MSRB3: variants seen among roughly 807,000 people sequenced by gnomAD.
The protein encoded by MSRB3 is methionine-R-sulfoxide reductase B3.
A neutral mutation model predicts 21.0 loss-of-function variants in MSRB3; 13 were observed. That is an observed-to-expected ratio of 0.62 (90% CI 0.40 to 0.98). The LOEUF is 0.98. Ranked by LOEUF, MSRB3 falls within the 50% of genes least tolerant of loss-of-function variation. MSRB3 has a pLI of 0.00. For missense variants in MSRB3, 199 were observed against 230.3 expected (o/e 0.86, Z 0.88); for synonymous variants, 87 against 88.6 (o/e 0.98, Z 0.10).
intron 5 of MSRB3, among the ~76,000 whole-genome samples, chr12:65,396,767 A>T (rs917465182): frequency 2.0e-5 from 3 of 151,742 alleles, no homozygotes; most frequent in Non-Finnish European, 4.4e-5. Flanking sequence ...CCCAGCAAAG[A>T]TATGTTTTAT....
chr12:65,351,449 A>C (rs1876986345), intron 4 of MSRB3, among the ~76,000 whole-genome samples: 1 of 144,698 alleles, frequency 6.9e-6, no homozygotes, highest in Non-Finnish European at 1.5e-5. Flanking sequence ...AGAAGGCAAG[A>C]AATAACTAAA....
At chr12:65,390,885 G>A (rs1879448582) in intron 5 of MSRB3, among the ~76,000 whole-genome samples, 3 of 152,072 alleles carry the variant, frequency 2.0e-5, no homozygotes. Flanking sequence ...ACAAGAACAT[G>A]TATTCAGAAA....
intron 6 of MSRB3, among the ~76,000 whole-genome samples, chr12:65,460,851 C>T (rs549651651): frequency 1.1e-4 from 16 of 151,478 alleles, no homozygotes; most frequent in African/African-American, 3.4e-4. Context: ...GTTGAAAACT[C>T]ACCCAGTTCA....
chr12:65,294,302 A>G (rs1286241289), intron 1 of MSRB3, among the ~76,000 whole-genome samples: 1 of 152,168 alleles, frequency 6.6e-6, no homozygotes, highest in African/African-American at 2.4e-5. Flanking sequence ...CATCCTATTT[A>G]GAATCCCACT....
intron 5 of MSRB3, among the ~76,000 whole-genome samples, chr12:65,441,490 C>T (rs1286826373): frequency 1.3e-5 from 2 of 151,944 alleles, no homozygotes; most frequent in Non-Finnish European, 2.9e-5. Flanking sequence ...ACCAAAGCTA[C>T]TATTGTCTTT....
intron 5 of MSRB3, among the ~76,000 whole-genome samples, chr12:65,449,286 C>G (rs760027112): frequency 7.9e-5 from 12 of 151,754 alleles, no homozygotes; most frequent in African/African-American, 2.7e-4. Context: ...ATCCACCCCC[C>G]CAGAGTGAAT....
At chr12:65,315,805 G>C (rs550872271) in intron 2 of MSRB3, among the ~76,000 whole-genome samples, 1 of 151,708 alleles carries the variant, frequency 6.6e-6, no homozygotes, top group Non-Finnish European at 1.5e-5. Context: ...TTCAGTACTA[G>C]ATGTATTTAT....
chr12:65,375,928 A>C (rs1294050136), intron 5 of MSRB3, among the ~76,000 whole-genome samples: 1 of 89,190 alleles, frequency 1.1e-5, no homozygotes, highest in Non-Finnish European at 2.3e-5. Flanking sequence ...GTACTTATTA[A>C]AGTTTTTTTT....
intron 4 of MSRB3, among the ~76,000 whole-genome samples, chr12:65,363,572 G>T (rs1877832083): frequency 6.6e-6 from 1 of 152,064 alleles, no homozygotes; most frequent in Non-Finnish European, 1.5e-5. Flanking sequence ...TCATTTTCAT[G>T]TTTAAAAATT....
At chr12:65,399,440 G>C (rs1487942286) in intron 5 of MSRB3, among the ~76,000 whole-genome samples, 2 of 152,114 alleles carry the variant, frequency 1.3e-5, no homozygotes, top group African/African-American at 4.8e-5. Flanking sequence ...TGTGATTTTT[G>C]CACATTGATT....
In MSRB3 at chr12:65,318,740, T is replaced by C. The variant is rs114025930; in HGVS notation, c.77-8086T>C. Among the ~76,000 whole-genome samples, 1,290 of 152,284 alleles carry C rather than the reference T, an allele frequency of 8.5e-3. 21 individuals are homozygous for C. The highest frequency in any genetic ancestry group is 0.029 in the African/African-American group (1,199 of 41,566). On this transcript the variant is annotated intron_variant, in intron 2 of 6. Transcript: ENST00000308259. ...TTTGGATCAAGACATTTTAAAAATA[T>C]TTCCCTAAACTCTAGGCTTTGTGGT...
chr12:65,347,073 G>C (rs1010027490), intron 4 of MSRB3, among the ~76,000 whole-genome samples: 1 of 151,936 alleles, frequency 6.6e-6, no homozygotes, highest in African/African-American at 2.4e-5. Context: ...TGTGGGCTCT[G>C]TTTTGGTTCC....
At chr12:65,407,701 A>C (rs1439529266) in intron 5 of MSRB3, among the ~76,000 whole-genome samples, 1 of 152,170 alleles carries the variant, frequency 6.6e-6, no homozygotes, top group Non-Finnish European at 1.5e-5. Context: ...CACCCCTTTA[A>C]AATTATCCCA....
At chr12:65,337,483 C>A (rs1030799440) in intron 4 of MSRB3, among the ~76,000 whole-genome samples, 36 of 144,968 alleles carry the variant, frequency 2.5e-4, no homozygotes, top group African/African-American at 9.2e-4. Flanking sequence ...TGTTGCATAA[C>A]CATAGTCAAG....
chr12:65,370,382 A>G (rs1878251475), intron 5 of MSRB3, among the ~76,000 whole-genome samples: 1 of 152,190 alleles, frequency 6.6e-6, no homozygotes, highest in Admixed American at 6.5e-5. Context: ...CCTGCCAGTC[A>G]CCAAATATTA....
chr12:65,280,488 C>A (rs1252272864), intron 1 of MSRB3, among the ~76,000 whole-genome samples: 4 of 152,162 alleles, frequency 2.6e-5, no homozygotes, highest in African/African-American at 9.7e-5. Context: ...GTGAAACGGC[C>A]TTCGAAGACC....
intron 4 of MSRB3, among the ~76,000 whole-genome samples, chr12:65,343,423 C>G (rs1297409534): frequency 6.6e-6 from 1 of 152,060 alleles, no homozygotes; most frequent in Non-Finnish European, 1.5e-5. Context: ...GTAGCACTTA[C>G]ACTGTCCTAT....
At chr12:65,329,652 A>G (rs1278445735) in intron 4 of MSRB3, among the ~76,000 whole-genome samples, 2 of 152,078 alleles carry the variant, frequency 1.3e-5, no homozygotes, top group African/African-American at 4.8e-5. Context: ...CGTCTCAAAA[A>G]AAAAAAAAAA....
At chr12:65,395,952 C>T (rs1409033339) in intron 5 of MSRB3, among the ~76,000 whole-genome samples, 14 of 151,986 alleles carry the variant, frequency 9.2e-5, no homozygotes, top group Admixed American at 9.2e-4. Context: ...TTCAAATAAC[C>T]CGCTTTTGGT....
Sources: gnomAD v4.1 joint callset for allele counts (sites outside exome capture counted in the v4.1 genomes callset) on GRCh38, gnomAD v4.1.1 for gene constraint, MANE v1.5 for transcripts, NCBI Gene and HGNC (gene_info 2026-07-23, HGNC 2026-07-21) for gene names.